ILDR1: variants seen among roughly 807,000 people sequenced by gnomAD.
The protein encoded by ILDR1 is immunoglobulin like domain containing receptor 1, also known as immunoglobulin-like domain-containing receptor 1.
Under a neutral mutation model 62.4 loss-of-function variants are expected in ILDR1, and 56 were observed. That is an observed-to-expected ratio of 0.90 (90% CI 0.72 to 1.12). The LOEUF (loss-of-function observed/expected upper bound fraction) is 1.12. ILDR1 is among the 50% of genes most tolerant of loss of function. The pLI is 0.00. For synonymous variants in ILDR1, 284 were observed against 277.8 expected (o/e 1.02, Z -0.22); for missense variants, 736 against 710.6 (o/e 1.04, Z -0.41).
chr3:122,052,165 G>A, the ILDR1 span, among the ~76,000 whole-genome samples: 2 of 152,146 alleles, frequency 1.3e-5, no homozygotes, highest in Admixed American at 6.5e-5. Context: ...AGAGGGCACT[G>A]AGCTGTATTG....
chr3:122,036,773 C>T, the ILDR1 span, among the ~76,000 whole-genome samples: 11 of 152,160 alleles, frequency 7.2e-5, no homozygotes, highest in African/African-American at 2.7e-4. Context: ...TAGGGCATTT[C>T]AGAGACTTTC....
At chr3:122,010,087 T>G (rs1045674564) in intron 1 of ILDR1, among the ~76,000 whole-genome samples, 2 of 151,700 alleles carry the variant, frequency 1.3e-5, no homozygotes, top group African/African-American at 4.8e-5. Context: ...GCATGAGAAG[T>G]AGGAAGAAGG....
chr3:122,000,999 T>G (rs1008121770), intron 5 of ILDR1, among the ~76,000 whole-genome samples: 2 of 152,176 alleles, frequency 1.3e-5, no homozygotes, highest in South Asian at 4.1e-4. Flanking sequence ...CTAAATGAGG[T>G]CAGTGCTAGG....
chr3:122,000,046 T>C (rs1010027334), intron 5 of ILDR1, among the ~76,000 whole-genome samples: 2 of 141,870 alleles, frequency 1.4e-5, no homozygotes, highest in Non-Finnish European at 3.1e-5. Flanking sequence ...GGGAACCTCT[T>C]TGAAAAAAAA....
the ILDR1 span, among the ~76,000 whole-genome samples, chr3:122,049,886 G>T: frequency 6.6e-6 from 1 of 151,934 alleles, no homozygotes; most frequent in African/African-American, 2.4e-5. Flanking sequence ...ATCTCTTTTT[G>T]TCCTTCTTCC....
At chr3:121,988,468 T>C (rs1224552016) in intron 7 of ILDR1, 60 bp from the exon 8 acceptor site, 4 of 1,331,538 alleles carry the variant, frequency 3.0e-6, no homozygotes, top group African/African-American at 1.4e-5. Flanking sequence ...CGTCTATGCA[T>C]GTAACACATA....
At chr3:122,026,496 A>T (rs187090174), upstream of ILDR1, among the ~76,000 whole-genome samples, 1 of 152,250 alleles carries the variant, frequency 6.6e-6, no homozygotes, top group East Asian at 1.9e-4. Context: ...TTTAATGAAC[A>T]TAAACATATA....
chr3:122,039,385 G>A, the ILDR1 span, among the ~76,000 whole-genome samples: 11 of 151,856 alleles, frequency 7.2e-5, no homozygotes, highest in Admixed American at 1.3e-4. Context: ...GATATTACAC[G>A]TAGAGGAAAA....
At chr3:122,050,394 T>G in the ILDR1 span, among the ~76,000 whole-genome samples, 1 of 152,128 alleles carries the variant, frequency 6.6e-6, no homozygotes, top group African/African-American at 2.4e-5. Context: ...TGACATGATT[T>G]TATACCTTTC....
At chr3:122,041,138 A>G in the ILDR1 span, among the ~76,000 whole-genome samples, 4 of 152,372 alleles carry the variant, frequency 2.6e-5, no homozygotes, top group East Asian at 7.7e-4. Flanking sequence ...AGATATGCAG[A>G]TGGCAAATGC....
intron 5 of ILDR1, among the ~76,000 whole-genome samples, chr3:122,000,898 G>GTC (rs2071513526): frequency 6.6e-6 from 1 of 152,194 alleles, no homozygotes; most frequent in Non-Finnish European, 1.5e-5. Context: ...AGTGGCATGT[G>GTC]AGAATAGGAA....
intron 1 of ILDR1, among the ~76,000 whole-genome samples, chr3:122,018,394 TG>T (rs535294009): frequency 0.16 from 8,059 of 51,948 alleles, 179 homozygotes; most frequent in South Asian, 0.25. Context: ...CCTGTTGGGG[TG>T]GGGGGGGGGT....
chr3:122,022,177 C>T lies in ILDR1; in HGVS notation c.-100G>A, dbSNP rs986960892. ...GGACGCACCACCTTCTCCAAGGAAC[C>T]CCTCGGGTTTCCCCTCCCTCGGCGC... On this transcript the variant is annotated 5_prime_UTR_variant, in exon 1 of 8. Transcript: ENST00000344209. 236 of 1,074,232 alleles carry T rather than the reference C, an allele frequency of 2.2e-4. No individual in the cohort carries two copies. The highest frequency in any genetic ancestry group is 2.8e-4 in the Non-Finnish European group (205 of 737,888). The allele number at this position is 1,074,232 out of a possible 1,614,324, so 66.5% of individuals were successfully genotyped here. A position where few individuals can be genotyped will look rare whatever the true frequency, so the allele number is the denominator to read the frequency against.
chr3:122,010,186 A>G (rs1440754162), intron 1 of ILDR1, among the ~76,000 whole-genome samples: 2 of 152,166 alleles, frequency 1.3e-5, no homozygotes, highest in Non-Finnish European at 2.9e-5. Context: ...CCTGGGGGAA[A>G]CCAATCTAGC....
At chr3:121,991,531 TA>T (rs2071346684) in intron 7 of ILDR1, among the ~76,000 whole-genome samples, 1 of 152,234 alleles carries the variant, frequency 6.6e-6, no homozygotes, top group Non-Finnish European at 1.5e-5. Flanking sequence ...TAAATGAGGA[TA>T]ATAGTACAAA....
At chr3:121,996,194 CT>C (rs1217895340) in intron 5 of ILDR1, among the ~76,000 whole-genome samples, 2 of 152,204 alleles carry the variant, frequency 1.3e-5, no homozygotes, top group Non-Finnish European at 2.9e-5. Flanking sequence ...ACTCCTCCTG[CT>C]TCCTTCAATC....
chr3:122,052,168 C>T, the ILDR1 span, among the ~76,000 whole-genome samples: 8 of 152,302 alleles, frequency 5.3e-5, no homozygotes, highest in Admixed American at 4.6e-4. Flanking sequence ...GGGCACTGAG[C>T]TGTATTGGCC....
the ILDR1 span, among the ~76,000 whole-genome samples, chr3:122,060,629 A>T: frequency 7.0e-4 from 107 of 152,236 alleles, no homozygotes; most frequent in Non-Finnish European, 1.3e-3. Context: ...TTCCTAAAAA[A>T]ATTTTAATTT....
At position 122,005,235 on chromosome 3, in the gene ILDR1, C is replaced by T. The variant is rs778222994; in HGVS notation, c.379+9G>A. On this transcript the variant is annotated intron_variant, in intron 3 of 7. Transcript: ENST00000344209. The stretch of plus-strand genomic sequence containing the variant: ...CCCCCAGTTCCCCTGACACCTCCCC[C>T]GCACTCACGGTTCTGGATGGTGATC... 37 of 1,597,114 alleles carry T rather than the reference C, an allele frequency of 2.3e-5. No individual in the cohort carries two copies. Among genetic ancestry groups the T allele is most frequent in the South Asian group, 1.2e-4 (11 of 90,604 alleles).
Sources: allele counts gnomAD v4.1 joint callset (sites outside exome capture counted in the v4.1 genomes callset), GRCh38; gene constraint gnomAD v4.1.1; transcripts MANE v1.5; gene names NCBI Gene and HGNC (gene_info 2026-07-23, HGNC 2026-07-21).